IL1RL1: variants seen among roughly 807,000 people sequenced by gnomAD.
IL1RL1 encodes interleukin 1 receptor like 1, also known as interleukin-1 receptor-like 1.
IL1RL1 carries 32 observed loss-of-function variants against 50.9 expected under a neutral mutation model. The ratio of observed to expected loss-of-function variants is 0.63; its 90% CI spans 0.47 to 0.84. The LOEUF (loss-of-function observed/expected upper bound fraction) is 0.84, where lower values mean the gene tolerates loss of function less well. Among genes scored for constraint, IL1RL1 ranks in the 40% least tolerant of loss-of-function variants. The pLI is 0.00. For synonymous variants in IL1RL1, 275 were observed against 236.0 expected, an observed-to-expected ratio of 1.17 and a Z score of -1.51; for missense variants, 773 against 662.9, an observed-to-expected ratio of 1.17 and a Z score of -1.82.
Position 102,338,942 on chromosome 2 carries a change from G to T in IL1RL1, c.167G>T (p.Ser56Ile), listed in dbSNP as rs764275282. Reference protein sequence around the residue: ...VDWYYSQTNKSIPTQERNRVF... With the variant: ...VDWYYSQTNKIIPTQERNRVF... Reference sequence around the variant, plus strand: ...TGGTATTACTCACAAACAAACAAAAGTATTCCCACTCAGGAAAGAAATCGT... The same window carrying T: ...TGGTATTACTCACAAACAAACAAAATTATTCCCACTCAGGAAAGAAATCGT... The change falls in exon 3 of 11, where the codon AGT (serine) becomes ATT (isoleucine). Residue 56 changes from serine (S) to isoleucine (I), a missense_variant. Physicochemically the swap from Ser to Ile is moderately radical, Grantham distance 142. Transcript: ENST00000233954. The T allele has an allele frequency of 7.4e-6, 12 of 1,613,954 alleles. No homozygotes were observed. The highest frequency in any genetic ancestry group is 1.0e-5 in the Non-Finnish European group (12 of 1,179,884).
At chr2:102,333,660 T>C (rs1413415325) in intron 1 of IL1RL1, among the ~76,000 whole-genome samples, 1 of 152,188 alleles carries the variant, frequency 6.6e-6, no homozygotes, top group Non-Finnish European at 1.5e-5. Flanking sequence ...AAAGGTATAT[T>C]GCATTACTGG....
At chr2:102,312,829 G>A (rs1331123055) in intron 1 of IL1RL1, 1 of 152,068 alleles carries the variant, frequency 6.6e-6, no homozygotes, top group Non-Finnish European at 1.5e-5. Context: ...CTTCAACAGA[G>A]GGTGCAGAGG....
At chr2:102,311,989 T>TATATA (rs1676515579) in intron 1 of IL1RL1, among the ~76,000 whole-genome samples, 5 of 31,532 alleles carry the variant, frequency 1.6e-4, no homozygotes, top group African/African-American at 8.3e-4. Context: ...TAATATATAT[T>TATATA]ATATATAATA....
In IL1RL1 at chr2:102,340,185, A is replaced by C. The variant is rs773846813; in HGVS notation, c.360A>C (p.Ser120=). The C allele has an allele frequency of 1.2e-6, 2 of 1,602,876 alleles. No individual in the cohort carries two copies. Among genetic ancestry groups the C allele is most frequent in the South Asian group, 2.2e-5 (2 of 89,216 alleles). The change falls in exon 4 of 11, where the codon TCA becomes TCC. Residue 120 remains serine (S), a synonymous_variant. Coordinates refer to ENST00000233954, the MANE Select transcript of IL1RL1 (RefSeq NM_016232.5). ...DCNVPDYLMY[S]TVSGSEKNSK... is the part of the protein sequence containing the mutation. ...ATGTTCCAGATTATTTGATGTATTCAACAGTATCTGGATCAGAAAAAAATT... is the reference window on the plus strand; with the variant it reads ...ATGTTCCAGATTATTTGATGTATTCCACAGTATCTGGATCAGAAAAAAATT...
intron 10 of IL1RL1, among the ~76,000 whole-genome samples, chr2:102,350,103 G>A (rs1033647028): frequency 1.2e-5 from 1 of 80,782 alleles, no homozygotes; most frequent in Non-Finnish European, 2.6e-5. Flanking sequence ...ACTTGTGAAA[G>A]ATACAATTTA....
At position 102,343,027 on chromosome 2, in the gene IL1RL1, C is replaced by A. The variant is rs768766790; in HGVS notation, c.683-9C>A. 3 of 1,612,698 alleles carry A rather than the reference C, an allele frequency of 1.9e-6. No individual in the cohort carries two copies. The highest frequency in any genetic ancestry group is 8.5e-7 in the Non-Finnish European group (1 of 1,179,492). ...AATTTTATTGGTGAATGTCCTTACT[C>A]CCCTCTAGGAAAAAACGCAAACCTA... On this transcript the variant is annotated splice_polypyrimidine_tract_variant and intron_variant, in intron 6 of 10. Coordinates refer to ENST00000233954, the MANE Select transcript of IL1RL1 (RefSeq NM_016232.5).
intron 1 of IL1RL1, among the ~76,000 whole-genome samples, chr2:102,318,669 G>A (rs1676748084): frequency 6.6e-6 from 1 of 152,158 alleles, no homozygotes; most frequent in African/African-American, 2.4e-5. Flanking sequence ...AGTGTGGACA[G>A]AGAAGAAAAG....
chr2:102,326,265 GA>G, intron 1 of IL1RL1, among the ~76,000 whole-genome samples: 1 of 152,258 alleles, frequency 6.6e-6, no homozygotes, highest in East Asian at 1.9e-4. Context: ...CTTCATAAGT[GA>G]AGGAGAAATA....
At chr2:102,349,898 G>A (rs140615796) in intron 10 of IL1RL1, among the ~76,000 whole-genome samples, 1 of 152,236 alleles carries the variant, frequency 6.6e-6, no homozygotes, top group Non-Finnish European at 1.5e-5. Flanking sequence ...GACCAGGAAG[G>A]GTTTGGAATA....
chr2:102,344,389 T>C, intron 8 of IL1RL1: 1 of 965,936 alleles, frequency 1.0e-6, no homozygotes, highest in Non-Finnish European at 1.2e-6. Flanking sequence ...TTAAGGTACA[T>C]GGAACACACG....
At chr2:102,342,988 C>T (rs770481705) in intron 6 of IL1RL1, 48 bp from the exon 7 acceptor site, 50 of 1,576,704 alleles carry the variant, frequency 3.2e-5, no homozygotes, top group Admixed American at 5.4e-5. Context: ...GATAAAATGC[C>T]AGTCGCAGAA....
intron 1 of IL1RL1, among the ~76,000 whole-genome samples, chr2:102,326,169 C>A (rs1307840992): frequency 1.3e-5 from 2 of 152,222 alleles, no homozygotes; most frequent in Non-Finnish European, 2.9e-5. Flanking sequence ...AGAAACTCTA[C>A]AAGCCAGAAG....
At chr2:102,339,645 C>T (rs1026142893) in intron 3 of IL1RL1, among the ~76,000 whole-genome samples, 6 of 152,158 alleles carry the variant, frequency 3.9e-5, no homozygotes, top group African/African-American at 4.8e-5. Context: ...GTTAACTGTG[C>T]GATGCCAGCA....
At chr2:102,318,615 T>C (rs1313229473) in intron 1 of IL1RL1, among the ~76,000 whole-genome samples, 1 of 152,112 alleles carries the variant, frequency 6.6e-6, no homozygotes, top group East Asian at 1.9e-4. Context: ...AGTATAGAGA[T>C]GGTGTTTCAA....
intron 1 of IL1RL1, among the ~76,000 whole-genome samples, chr2:102,328,136 A>T (rs58815545): frequency 0.17 from 26,211 of 152,144 alleles, 2,555 homozygotes; most frequent in African/African-American, 0.26. Flanking sequence ...ATCCAGCAGC[A>T]CATCAAAAAG....
intron 9 of IL1RL1, among the ~76,000 whole-genome samples, chr2:102,348,606 T>C (rs1327983358): frequency 1.3e-5 from 2 of 152,208 alleles, no homozygotes; most frequent in Non-Finnish European, 2.9e-5. Context: ...TGGAGGCAGA[T>C]ACATGTTGCA....
downstream of IL1RL1, chr2:102,352,117 C>T: frequency 3.7e-6 from 2 of 534,830 alleles, no homozygotes; most frequent in Non-Finnish European, 6.5e-6. Flanking sequence ...CTCCTCAATC[C>T]TCCACCATCC....
chr2:102,312,385 C>T (rs1676543754), intron 1 of IL1RL1, among the ~76,000 whole-genome samples: 1 of 151,102 alleles, frequency 6.6e-6, no homozygotes, highest in African/African-American at 2.4e-5. Context: ...TTGATGAAAT[C>T]CCTTGAAATC....
chr2:102,347,878 A>T (rs1015508294), intron 8 of IL1RL1, 67 bp from the exon 9 acceptor site: 1 of 922,528 alleles, frequency 1.1e-6, no homozygotes, highest in Non-Finnish European at 1.7e-6. Context: ...GGAAGCCAAC[A>T]TCCATGTATC....
Sources: allele counts gnomAD v4.1 joint callset (sites outside exome capture counted in the v4.1 genomes callset), GRCh38; gene constraint gnomAD v4.1.1; transcripts MANE v1.5; gene names NCBI Gene and HGNC (gene_info 2026-07-23, HGNC 2026-07-21).